Variants in KIF11 observed in about 807,000 individuals in gnomAD.
The protein encoded by KIF11 is kinesin family member 11.
In KIF11, 9 loss-of-function variants were observed where a neutral mutation model predicts 121.0. The ratio of observed to expected loss-of-function variants is 0.07; its 90% confidence interval spans 0.04 to 0.13. The LOEUF (loss-of-function observed/expected upper bound fraction) is 0.13. Among genes scored for constraint, KIF11 ranks in the 10% least tolerant of loss-of-function variants. The pLI is 1.00. For synonymous variants in KIF11, 408 were observed against 421.0 expected (o/e 0.97, Z 0.38); for missense variants, 846 against 1,217.5 (o/e 0.69, Z 4.54).
Position 92,609,169 on chromosome 10 carries a change from T to G in KIF11, c.537T>G (p.Ser179=). The G allele has an allele frequency of 6.3e-7, 1 of 1,590,920 alleles. No individual in the cohort carries two copies. Among genetic ancestry groups the G allele is most frequent in the African/African-American group, 1.4e-5 (1 of 73,902 alleles). The part of the protein sequence containing the change: ...FDLLNPSSDV[S]ERLQMFDDPR... Reference sequence around the variant, plus strand: ...TTCTTAATCCATCATCTGATGTTTCTGAGAGACTACAGATGTTTGATGATC... The same window carrying G: ...TTCTTAATCCATCATCTGATGTTTCGGAGAGACTACAGATGTTTGATGATC... The change falls in exon 5 of 22, where the codon TCT becomes TCG. Residue 179 remains serine (S), a synonymous_variant. Transcript: ENST00000260731.
At chr10:92,625,909 T>C (rs1210304013) in intron 10 of KIF11, among the ~76,000 whole-genome samples, 5 of 152,172 alleles carry the variant, frequency 3.3e-5, no homozygotes, top group Admixed American at 6.6e-5. Context: ...TATAAAACAC[T>C]GCTGAAAGAA....
intron 9 of KIF11, among the ~76,000 whole-genome samples, chr10:92,619,157 C>T (rs544252470): frequency 2.6e-5 from 4 of 152,262 alleles, no homozygotes; most frequent in African/African-American, 9.6e-5. Context: ...GCTGGGATTA[C>T]AGGTGTTTGC....
intron 18 of KIF11, 79 bp downstream of exon 18, chr10:92,645,721 T>G: frequency 9.3e-7 from 1 of 1,078,096 alleles, no homozygotes. Flanking sequence ...AGAATAGATT[T>G]CAAAACAAAT....
chr10:92,651,916 A>G (rs2135927019), intron 21 of KIF11, among the ~76,000 whole-genome samples: 1 of 149,712 alleles, frequency 6.7e-6, no homozygotes, highest in East Asian at 2.0e-4. Flanking sequence ...ATTGGTATCT[A>G]CATTTACAGT....
chr10:92,627,023 A>G (rs1813936894), intron 10 of KIF11, among the ~76,000 whole-genome samples: 1 of 152,150 alleles, frequency 6.6e-6, no homozygotes, highest in South Asian at 2.1e-4. Context: ...CGGCCTCCCA[A>G]AGTGCTAGGA....
chr10:92,618,372 C>T (rs1424413140), intron 9 of KIF11, among the ~76,000 whole-genome samples: 2 of 151,272 alleles, frequency 1.3e-5, no homozygotes, highest in Admixed American at 6.6e-5. Context: ...AGGCCAGGCA[C>T]GGTGGCTCAT....
In KIF11 at chr10:92,645,509, A is replaced by G. The variant is rs751159557; in HGVS notation, c.2414A>G (p.Asn805Ser). ...TCTGTGAAACACTCTGATAAACTCA[A>G]TGGCAACCTGGAAAAAATATCTCAA... ...EESVKHSDKLNGNLEKISQET... is the reference protein window; with the variant it reads ...EESVKHSDKLSGNLEKISQET... Residue 805 changes from asparagine (N) to serine (S), a missense_variant, in exon 18 of 22, where the codon AAT (asparagine) becomes AGT (serine). Asn to Ser is a conservative substitution (Grantham distance 46, BLOSUM62 1). Transcript: ENST00000260731. The G allele has an allele frequency of 1.4e-5, 23 of 1,614,014 alleles. No homozygotes were observed. The highest frequency in any genetic ancestry group is 5.5e-5 in the South Asian group (5 of 91,094).
At chr10:92,597,561 C>T (rs1325229785) in intron 1 of KIF11, among the ~76,000 whole-genome samples, 3 of 151,784 alleles carry the variant, frequency 2.0e-5, no homozygotes, top group Non-Finnish European at 4.4e-5. Context: ...CCTCATCTGG[C>T]CAGAGTTCTC....
intron 13 of KIF11, 121 bp from the exon 14 acceptor site, chr10:92,633,502 A>T: frequency 2.9e-6 from 2 of 684,454 alleles, no homozygotes; most frequent in Non-Finnish European, 4.9e-6. Context: ...CAGTTCTTTT[A>T]AGCTCGTTAT....
Position 92,645,477 on chromosome 10 carries a change from T to G in KIF11, c.2382T>G (p.Val794=). Residue 794 remains valine, a synonymous_variant, in exon 18 of 22, where the codon GTT becomes GTG. Transcript: ENST00000260731. The part of the protein sequence containing the change: ...RNFNQEGTKL[V]EESVKHSDKL... ...TTAACCAAGAAGGTACAAAATTGGT[T>G]GAAGAATCTGTGAAACACTCTGATA... 7 of 1,614,116 alleles carry G rather than the reference T, an allele frequency of 4.3e-6. No homozygotes were observed. Among genetic ancestry groups the G allele is most frequent in the Non-Finnish European group, 5.9e-6 (7 of 1,179,982 alleles).
At chr10:92,639,505 A>T (rs1844841795) in intron 16 of KIF11, among the ~76,000 whole-genome samples, 1 of 152,008 alleles carries the variant, frequency 6.6e-6, no homozygotes, top group Non-Finnish European at 1.5e-5. Flanking sequence ...AGGAAGGAGG[A>T]TCCCTTGAGC....
At chr10:92,597,601 G>A (rs913749305) in intron 1 of KIF11, among the ~76,000 whole-genome samples, 36 of 151,848 alleles carry the variant, frequency 2.4e-4, no homozygotes, top group African/African-American at 8.7e-4. Context: ...GCACTATGAT[G>A]GAGAAAAGGA....
intron 10 of KIF11, among the ~76,000 whole-genome samples, chr10:92,623,165 C>G (rs1230616104): frequency 6.6e-6 from 1 of 152,212 alleles, no homozygotes; most frequent in Non-Finnish European, 1.5e-5. Flanking sequence ...AATCAAGATA[C>G]AGAACTATCC....
At chr10:92,626,311 A>C (rs1844676671) in intron 10 of KIF11, among the ~76,000 whole-genome samples, 1 of 152,230 alleles carries the variant, frequency 6.6e-6, no homozygotes, top group Admixed American at 6.5e-5. Context: ...CAATGGGGAT[A>C]AAACTGCCTG....
At chr10:92,605,563 C>T (rs1171637471) in intron 1 of KIF11, among the ~76,000 whole-genome samples, 3 of 147,362 alleles carry the variant, frequency 2.0e-5, no homozygotes, top group Non-Finnish European at 1.5e-5. Flanking sequence ...CTTGGCTCAC[C>T]GCAACCTCCA....
chr10:92,622,519 G>A (rs1010102132), intron 10 of KIF11, among the ~76,000 whole-genome samples: 19 of 151,946 alleles, frequency 1.3e-4, no homozygotes, highest in Admixed American at 5.2e-4. Flanking sequence ...GGAGGCTGAG[G>A]CAGGAGAATC....
Position 92,647,912 on chromosome 10 carries a change from C to T in KIF11, c.2548-300C>T, listed in dbSNP as rs577644839. On this transcript the variant is annotated intron_variant, in intron 18 of 21. Transcript: ENST00000260731. The stretch of plus-strand genomic sequence containing the variant: ...TTGCTTGAGCCCAGGAGTTTGAGAC[C>T]AGCTTGGGCAACATGGTGAAATGCC... 5.3e-5 allele frequency among the ~76,000 whole-genome samples: 8 copies of T among 152,078 alleles called. No individual in the cohort carries two copies. The East Asian group carries it at 1.5e-3, about 29-fold the overall frequency.
intron 17 of KIF11, among the ~76,000 whole-genome samples, chr10:92,644,645 G>A (rs532745845): frequency 2.3e-4 from 35 of 152,204 alleles, no homozygotes; most frequent in Middle Eastern, 3.4e-3. Context: ...TGACTTTCAC[G>A]TGTAGGTTTG....
intron 20 of KIF11, 120 bp from the exon 21 acceptor site, chr10:92,650,281 T>G: frequency 1.5e-6 from 1 of 666,656 alleles, no homozygotes; most frequent in South Asian, 2.0e-5. Context: ...TCTAATAATT[T>G]TGTTGAGGTT....
Sources: gnomAD v4.1 joint callset for allele counts (sites outside exome capture counted in the v4.1 genomes callset) on GRCh38, gnomAD v4.1.1 for gene constraint, MANE v1.5 for transcripts, NCBI Gene and HGNC (gene_info 2026-07-23, HGNC 2026-07-21) for gene names.